The following PRR16 variants were observed in gnomAD, a reference collection of about 807,000 sequenced individuals.
PRR16 encodes the protein proline rich 16.
Under a neutral mutation model 18.2 loss-of-function variants are expected in PRR16, and 6 were observed. The ratio of observed to expected loss-of-function variants is 0.33; its 90% CI spans 0.18 to 0.65. The LOEUF is 0.65. Ranked by LOEUF, PRR16 falls within the 30% of genes least tolerant of loss-of-function variation. The pLI, the probability that PRR16 is intolerant of heterozygous loss-of-function variation, is 0.74. For synonymous variants in PRR16, 151 were observed against 147.8 expected, an observed-to-expected ratio of 1.02 and a Z score of -0.16; for missense variants, 412 against 376.6, an observed-to-expected ratio of 1.09 and a Z score of -0.78.
chr5:120,481,837 T>G (rs970347669), intron 1 of PRR16, among the ~76,000 whole-genome samples: 2 of 152,172 alleles, frequency 1.3e-5, no homozygotes, highest in Admixed American at 6.6e-5. Context: ...TTGAAATTGT[T>G]TAATGGTTAT....
At chr5:120,700,512 A>G in the PRR16 span, among the ~76,000 whole-genome samples, 2 of 152,086 alleles carry the variant, frequency 1.3e-5, no homozygotes, top group Non-Finnish European at 2.9e-5. Flanking sequence ...ATATAGCTGT[A>G]GTCCAGGAAT....
intron 1 of PRR16, among the ~76,000 whole-genome samples, chr5:120,620,795 CT>C (rs1379171232): frequency 6.6e-6 from 1 of 152,072 alleles, no homozygotes; most frequent in African/African-American, 2.4e-5. Context: ...CATCCCAGCT[CT>C]TTTTGCTGAT....
intron 1 of PRR16, among the ~76,000 whole-genome samples, chr5:120,533,641 G>C (rs1268491670): frequency 1.3e-5 from 2 of 152,176 alleles, no homozygotes; most frequent in Non-Finnish European, 2.9e-5. Context: ...TCCAAAGCAG[G>C]AGCGTGCCTG....
intron 1 of PRR16, among the ~76,000 whole-genome samples, chr5:120,642,962 C>A (rs1755471715): frequency 6.6e-6 from 1 of 152,072 alleles, no homozygotes; most frequent in African/African-American, 2.4e-5. Flanking sequence ...CTAACACAGT[C>A]TTTCTGCCCA....
intron 1 of PRR16, among the ~76,000 whole-genome samples, chr5:120,656,914 A>T (rs1755998924): frequency 6.6e-6 from 1 of 151,976 alleles, no homozygotes; most frequent in African/African-American, 2.4e-5. Context: ...TTTTTGTAGG[A>T]ATATTTGAGG....
the PRR16 span, among the ~76,000 whole-genome samples, chr5:120,773,166 T>C: frequency 6.6e-6 from 1 of 152,204 alleles, no homozygotes; most frequent in South Asian, 2.1e-4. Context: ...TTACCCAGTG[T>C]CAGTTAAAAT....
chr5:120,758,370 A>T, the PRR16 span, among the ~76,000 whole-genome samples: 2 of 150,268 alleles, frequency 1.3e-5, no homozygotes, highest in Non-Finnish European at 3.0e-5. Flanking sequence ...TTTCATTTAG[A>T]TGTTATCAGC....
rs572977150 is a variant in PRR16, at chr5:120,552,400, ATAT to A, written c.159+87760_159+87762del. 9.6e-4 allele frequency among the ~76,000 whole-genome samples: 146 copies of A among 152,028 alleles called. 2 individuals carry two copies. The highest frequency in any genetic ancestry group is 2.2e-4 in the Non-Finnish European group (15 of 67,912). On this transcript the variant is annotated intron_variant, in intron 1 of 1. Transcript: ENST00000407149. The stretch of plus-strand genomic sequence containing the variant: ...ATGGAGTCAAAACAATAAGGTGTAC[ATAT>A]TATTTTGGACAAAGTCAGATGGAAA...
the PRR16 span, among the ~76,000 whole-genome samples, chr5:120,714,347 T>C: frequency 1.3e-5 from 2 of 152,176 alleles, no homozygotes; most frequent in African/African-American, 2.4e-5. Context: ...GTGGGAGGTA[T>C]AGAAATTTAT....
At chr5:120,741,438 T>C in the PRR16 span, among the ~76,000 whole-genome samples, 1 of 152,206 alleles carries the variant, frequency 6.6e-6, no homozygotes, top group Non-Finnish European at 1.5e-5. Flanking sequence ...TTCATCTTTT[T>C]TCATTCTTGA....
intron 1 of PRR16, among the ~76,000 whole-genome samples, chr5:120,613,946 TGAAG>T (rs1754419608): frequency 6.6e-6 from 1 of 152,224 alleles, no homozygotes; most frequent in African/African-American, 2.4e-5. Flanking sequence ...ATTAATTCTC[TGAAG>T]GAACTTTTAA....
intron 1 of PRR16, among the ~76,000 whole-genome samples, chr5:120,633,572 C>A (rs1357527914): frequency 6.6e-6 from 1 of 152,056 alleles, no homozygotes; most frequent in Admixed American, 6.6e-5. Flanking sequence ...AGGAGTAGTT[C>A]TTCTTATTTC....
At chr5:120,698,541 G>T in the PRR16 span, among the ~76,000 whole-genome samples, 2 of 130,076 alleles carry the variant, frequency 1.5e-5, no homozygotes, top group Non-Finnish European at 3.4e-5. Flanking sequence ...TGTATGAGTA[G>T]TTGAGAACCG....
the PRR16 span, among the ~76,000 whole-genome samples, chr5:120,709,518 T>A: frequency 2.0e-5 from 3 of 152,300 alleles, no homozygotes; most frequent in Admixed American, 6.5e-5. Flanking sequence ...CCAGTTTTTT[T>A]AAATATACAA....
chr5:120,785,999 A>G, the PRR16 span, among the ~76,000 whole-genome samples: 1 of 151,508 alleles, frequency 6.6e-6, no homozygotes, highest in Admixed American at 6.6e-5. Flanking sequence ...ATTTTAAAAA[A>G]TCAAGTTTTT....
chr5:120,618,627 A>G (rs1340788111), intron 1 of PRR16: 2 of 810,606 alleles, frequency 2.5e-6, no homozygotes, highest in Non-Finnish European at 3.0e-6. Flanking sequence ...TACTGAAAAG[A>G]AAATAAATTG....
chr5:120,703,816 T>C, the PRR16 span, among the ~76,000 whole-genome samples: 1 of 152,192 alleles, frequency 6.6e-6, no homozygotes, highest in Admixed American at 6.5e-5. Flanking sequence ...CCTCATAGAT[T>C]TCCTAATCCA....
intron 1 of PRR16, among the ~76,000 whole-genome samples, chr5:120,499,942 C>G (rs114373973): frequency 0.019 from 2,825 of 152,192 alleles, 92 homozygotes; most frequent in African/African-American, 0.064. Context: ...TCTGTTAACA[C>G]TGGAAAGAGG....
At chr5:120,515,892 T>C (rs974306764) in intron 1 of PRR16, among the ~76,000 whole-genome samples, 3 of 152,216 alleles carry the variant, frequency 2.0e-5, no homozygotes, top group Non-Finnish European at 4.4e-5. Context: ...GTATATATTA[T>C]GTTGATAGAA....
Sources: gnomAD v4.1 joint callset for allele counts (sites outside exome capture counted in the v4.1 genomes callset) on GRCh38, gnomAD v4.1.1 for gene constraint, MANE v1.5 for transcripts, NCBI Gene and HGNC (gene_info 2026-07-23, HGNC 2026-07-21) for gene names.